ICE1: variants seen among roughly 807,000 people sequenced by gnomAD.
The protein encoded by ICE1 is interactor of little elongation complex ELL subunit 1, also known as little elongation complex subunit 1.
Under a neutral mutation model 192.7 loss-of-function variants are expected in ICE1, and 64 were observed. The ratio of observed to expected loss-of-function variants is 0.33; its 90% CI spans 0.27 to 0.41. The LOEUF (loss-of-function observed/expected upper bound fraction) is 0.41. Among genes scored for constraint, ICE1 ranks in the 10% least tolerant of loss-of-function variants. The pLI, the probability that ICE1 is intolerant of heterozygous loss-of-function variation, is 1.00. For missense variants in ICE1, 2,708 were observed against 2,696.0 expected, an observed-to-expected ratio of 1.00 and a Z score of -0.10; for synonymous variants, 1,010 against 984.5, an observed-to-expected ratio of 1.03 and a Z score of -0.49.
At position 5,466,388 on chromosome 5, in the gene ICE1, A is replaced by G. The variant is rs563683640; in HGVS notation, c.5947A>G (p.Ile1983Val). 9 of 1,613,186 alleles carry G rather than the reference A, an allele frequency of 5.6e-6. No individual in the cohort carries two copies. Among genetic ancestry groups the G allele is most frequent in the African/African-American group, 5.3e-5 (4 of 74,988 alleles). ...TCTCTCAGAACTAAAAATTCAGAAG[A>G]TATCTATGGACCACAATTACATTCA... ...SILSELKIQK[I>V]SMDHNYIHAL... Residue 1983 changes from isoleucine (I) to valine (V), a missense_variant, in exon 14 of 19, where the codon ATA becomes GTA. Coordinates refer to ENST00000296564, the MANE Select transcript of ICE1 (RefSeq NM_015325.3).
chr5:5,460,174 G>A (rs1244214612), intron 12 of ICE1, among the ~76,000 whole-genome samples: 1 of 152,124 alleles, frequency 6.6e-6, no homozygotes. Context: ...TGTAGAGTGG[G>A]GTGTGACACT....
intron 1 of ICE1, among the ~76,000 whole-genome samples, chr5:5,435,154 A>G (rs1221013335): frequency 6.6e-6 from 1 of 152,230 alleles, no homozygotes; most frequent in Non-Finnish European, 1.5e-5. Flanking sequence ...GATGGAGTAC[A>G]TCCAAAAATA....
intron 1 of ICE1, among the ~76,000 whole-genome samples, chr5:5,433,124 A>T (rs1474194959): frequency 6.6e-6 from 1 of 152,186 alleles, no homozygotes; most frequent in African/African-American, 2.4e-5. Flanking sequence ...TAATGAAGAG[A>T]GACAGGCAGC....
At position 5,480,399 on chromosome 5, in the gene ICE1, G is replaced by A. The variant is rs571251391; in HGVS notation, c.6520+4320G>A. ...CTAGTAGCTGGGACTACAGGCGCCC[G>A]CCACCACGCCCGGCTAATTTTTGTA... On this transcript the variant is annotated intron_variant, in intron 17 of 18. Coordinates refer to ENST00000296564, the MANE Select transcript of ICE1 (RefSeq NM_015325.3). Among the ~76,000 whole-genome samples, 25 of 151,818 alleles carry A rather than the reference G, an allele frequency of 1.6e-4. No homozygotes were observed. The East Asian group carries it at 3.7e-3, about 22-fold the overall frequency.
At chr5:5,425,247 G>A (rs927662409) in intron 1 of ICE1, among the ~76,000 whole-genome samples, 5 of 152,052 alleles carry the variant, frequency 3.3e-5, no homozygotes, top group Admixed American at 1.3e-4. Context: ...TTCTACCCTT[G>A]CCACATTTCC....
At position 5,463,769 on chromosome 5, in the gene ICE1, G is replaced by T; in HGVS notation, c.4435G>T (p.Ala1479Ser). The T allele has an allele frequency of 6.2e-7, 1 of 1,613,910 alleles. No homozygotes were observed. Among genetic ancestry groups the T allele is most frequent in the Non-Finnish European group, 8.5e-7 (1 of 1,179,834 alleles). The change falls in exon 13 of 19, where the codon GCA (alanine) becomes TCA (serine). Residue 1479 changes from alanine to serine, a missense_variant. By Grantham distance (99) the Ala-to-Ser change is moderately conservative. Around this residue, in one of 2 missense-constraint regions of ICE1, gnomAD observed 2,366 missense variants for 2,276.6 expected, o/e 1.04. Coordinates refer to ENST00000296564, the MANE Select transcript of ICE1 (RefSeq NM_015325.3). The part of the protein sequence containing the change: ...KSPEASHTGP[A>S]FQEAPCGNNL... Reference sequence around the variant, plus strand: ...CCCAGAGGCCAGTCACACTGGCCCTGCATTTCAGGAGGCTCCATGTGGCAA... The same window carrying T: ...CCCAGAGGCCAGTCACACTGGCCCTTCATTTCAGGAGGCTCCATGTGGCAA...
At chr5:5,455,740 T>C (rs1738565366) in intron 11 of ICE1, among the ~76,000 whole-genome samples, 1 of 152,208 alleles carries the variant, frequency 6.6e-6, no homozygotes, top group Non-Finnish European at 1.5e-5. Flanking sequence ...CAAAAATAGT[T>C]CAGAGAATCC....
At chr5:5,476,153 T>C in intron 17 of ICE1, 74 bp downstream of exon 17, 5 of 756,742 alleles carry the variant, frequency 6.6e-6, no homozygotes, top group South Asian at 2.0e-5. Context: ...GTTAACTGTA[T>C]AATAAAATAT....
In ICE1 at chr5:5,464,503, C is replaced by G; in HGVS notation, c.5169C>G (p.His1723Gln). The change falls in exon 13 of 19, where the codon CAC (histidine) becomes CAG (glutamine). Residue 1723 changes from histidine (H) to glutamine (Q), a missense_variant. This residue lies in a region of ICE1 where 2,366 missense variants were observed against 2,276.6 expected (regional missense o/e 1.04). Transcript: ENST00000296564. The surrounding 1 kb of genome is among the most constrained non-coding windows in gnomAD (Gnocchi z 4.0). ...PLQFCAATPK[H>Q]ALPVPGRLPP... ...AGTTCTGTGCGGCCACGCCGAAGCA[C>G]GCACTTCCTGTGCCTGGCCGACTCC... 1 of 1,613,970 alleles carries G rather than the reference C, an allele frequency of 6.2e-7. No homozygotes were observed. Among genetic ancestry groups the G allele is most frequent in the Non-Finnish European group, 8.5e-7 (1 of 1,179,896 alleles).
intron 6 of ICE1, 67 bp from the exon 7 acceptor site, chr5:5,444,222 A>C: frequency 2.0e-6 from 2 of 1,008,462 alleles, no homozygotes; most frequent in South Asian, 2.9e-5. Context: ...ATGTGCCACA[A>C]ATTATAAGGC....
Position 5,464,879 on chromosome 5 carries a change from C to G in ICE1, c.5545C>G (p.Arg1849Gly), listed in dbSNP as rs753732735. Reference protein sequence around the residue: ...TSTLRSAKRLRLDTGSPEPET... With the variant: ...TSTLRSAKRLGLDTGSPEPET... ...TACACTGAGAAGTGCTAAAAGACTG[C>G]GCCTGGACACTGGGTCCCCAGAACC... is the stretch of plus-strand genomic sequence containing the variant. The change falls in exon 13 of 19, where the codon CGC (arginine) becomes GGC (glycine). Residue 1849 changes from arginine (R) to glycine (G), a missense_variant. This residue lies in a region of ICE1 where 2,366 missense variants were observed against 2,276.6 expected (regional missense o/e 1.04). Transcript: ENST00000296564. This position sits in a 1 kb window ranked among gnomAD's most constrained non-coding sequence, Gnocchi z 4.0. The G allele has an allele frequency of 1.2e-6, 2 of 1,613,050 alleles. No homozygotes were observed. The highest frequency in any genetic ancestry group is 1.7e-6 in the Non-Finnish European group (2 of 1,179,442).
chr5:5,444,834 A>G (rs951108738), intron 7 of ICE1, among the ~76,000 whole-genome samples: 1 of 152,192 alleles, frequency 6.6e-6, no homozygotes, highest in Non-Finnish European at 1.5e-5. Context: ...TCTAGCCTAC[A>G]GTGAGTAGGT....
chr5:5,460,033 CAG>C (rs979148967), intron 12 of ICE1, among the ~76,000 whole-genome samples: 11 of 152,070 alleles, frequency 7.2e-5, no homozygotes, highest in Admixed American at 3.3e-4. Context: ...TCAGACACAC[CAG>C]AGAGAGAGGA....
intron 10 of ICE1, among the ~76,000 whole-genome samples, chr5:5,452,184 T>TG (rs1491476261): frequency 1.4e-5 from 2 of 143,476 alleles, no homozygotes; most frequent in African/African-American, 2.7e-5. Context: ...TTTTTTTTTT[T>TG]GTACTGGAGG....
chr5:5,453,226 C>T (rs1738476998), intron 10 of ICE1, among the ~76,000 whole-genome samples: 1 of 151,892 alleles, frequency 6.6e-6, no homozygotes, highest in Admixed American at 6.6e-5. Flanking sequence ...GGTTATATCA[C>T]AATGTAGATA....
At chr5:5,466,249 A>T in intron 13 of ICE1, 85 bp from the exon 14 acceptor site, 1 of 1,248,534 alleles carries the variant, frequency 8.0e-7, no homozygotes, top group Non-Finnish European at 1.1e-6. Context: ...ATAGATACTT[A>T]AGTTTTGTAA....
In ICE1 at chr5:5,457,758, G is replaced by A; in HGVS notation, c.1101+17G>A. The A allele has an allele frequency of 6.3e-7, 1 of 1,597,586 alleles. No individual in the cohort carries two copies. The highest frequency in any genetic ancestry group is 8.6e-7 in the Non-Finnish European group (1 of 1,168,582). On this transcript the variant is annotated intron_variant, in intron 12 of 18. Transcript: ENST00000296564. ...TTTGCACCTGTGAGTTTTGCTCTCTGAATTTGAATTACCAAGTGGGTACAT... is the reference window on the plus strand; with the variant it reads ...TTTGCACCTGTGAGTTTTGCTCTCTAAATTTGAATTACCAAGTGGGTACAT...
chr5:5,424,864 C>T (rs1399797541), intron 1 of ICE1, among the ~76,000 whole-genome samples: 1 of 152,050 alleles, frequency 6.6e-6, no homozygotes, highest in African/African-American at 2.4e-5. Flanking sequence ...GAAGCTGGAG[C>T]GGAGTGAATG....
rs1482736470 is a variant in ICE1 at position 5,464,125 on chromosome 5, A to G, written c.4791A>G (p.Gln1597=). Residue 1597 remains glutamine, a synonymous_variant, in exon 13 of 19, where the codon CAA becomes CAG. Transcript: ENST00000296564. This position sits in a 1 kb window ranked among gnomAD's most constrained non-coding sequence, Gnocchi z 4.0. ...FSGEKANTKT[Q]RSQTQTILAN... ...GGGAAAAAGCTAATACAAAAACTCAAAGAAGCCAAACTCAGACCATTTTAG... is the reference window on the plus strand; with the variant it reads ...GGGAAAAAGCTAATACAAAAACTCAGAGAAGCCAAACTCAGACCATTTTAG... The G allele has an allele frequency of 8.1e-6, 13 of 1,613,530 alleles. No individual in the cohort carries two copies. In the Admixed American group the frequency reaches 1.7e-4, roughly 21 times the overall value.
Sources: allele counts gnomAD v4.1 joint callset (sites outside exome capture counted in the v4.1 genomes callset), GRCh38; gene constraint gnomAD v4.1.1; regional missense constraint gnomAD v4.1.1; non-coding constraint Gnocchi (gnomAD v3.1); transcripts MANE v1.5; gene names NCBI Gene and HGNC (gene_info 2026-07-23, HGNC 2026-07-21).